Variants in SLC7A11 observed in about 807,000 individuals in gnomAD.
SLC7A11 encodes the protein cystine/glutamate transporter.
A neutral mutation model predicts 54.5 loss-of-function variants in SLC7A11; 35 were observed. The observed-to-expected ratio is 0.64, with a 90% confidence interval of 0.49 to 0.85. SLC7A11 has a LOEUF of 0.85. SLC7A11 is among the 40% of genes least tolerant of loss of function. SLC7A11 has a pLI of 0.00. For missense variants in SLC7A11, 583 were observed against 618.1 expected (o/e 0.94, Z 0.60); for synonymous variants, 230 against 225.2 (o/e 1.02, Z -0.19).
At chr4:138,237,739 T>TATACATA (rs1738270196) in intron 1 of SLC7A11, among the ~76,000 whole-genome samples, 1 of 9,206 alleles carries the variant, frequency 1.1e-4, no homozygotes, top group Non-Finnish European at 1.8e-4. Flanking sequence ...ATATATATAT[T>TATACATA]TTTTTTTTTT....
intron 5 of SLC7A11, among the ~76,000 whole-genome samples, chr4:138,217,497 C>T (rs921967626): frequency 2.6e-5 from 4 of 152,096 alleles, no homozygotes; most frequent in African/African-American, 9.7e-5. Flanking sequence ...CCTACATAAG[C>T]GGAGAAATTT....
chr4:138,203,102 G>A (rs377583696), intron 6 of SLC7A11, among the ~76,000 whole-genome samples: 5 of 152,154 alleles, frequency 3.3e-5, no homozygotes, highest in South Asian at 2.1e-4. Context: ...TTAAAAGTAC[G>A]TGACACCTTC....
At chr4:138,241,659 C>A (rs1738382156) in intron 1 of SLC7A11, 134 bp downstream of exon 1, 1 of 676,668 alleles carries the variant, frequency 1.5e-6, no homozygotes, top group Non-Finnish European at 2.5e-6. Context: ...GTTCACGTAC[C>A]CGAACAAAAA....
At position 138,232,396 on chromosome 4, in the gene SLC7A11, T is replaced by A. The variant is rs977828022; in HGVS notation, c.405-14A>T. 2 of 1,481,074 alleles carry A rather than the reference T, an allele frequency of 1.4e-6. No individual in the cohort carries two copies. Among genetic ancestry groups the A allele is most frequent in the African/African-American group, 2.8e-5 (2 of 71,854 alleles). The allele number at this position is 1,481,074 out of a possible 1,614,324, so 91.7% of individuals were successfully genotyped here. A position where few individuals can be genotyped will look rare whatever the true frequency, so the allele number is the denominator to read the frequency against. On this transcript the variant is annotated splice_polypyrimidine_tract_variant and intron_variant, in intron 2 of 11. Coordinates refer to ENST00000280612, the MANE Select transcript of SLC7A11 (RefSeq NM_014331.4). Reference sequence around the variant, plus strand: ...GTAGCTGCAGGGCTAAAAAAAAATGTATATATTTAGGTTAACCACAGGGGA... The same window carrying A: ...GTAGCTGCAGGGCTAAAAAAAAATGAATATATTTAGGTTAACCACAGGGGA...
chr4:138,183,760 G>A (rs1736808103), intron 7 of SLC7A11, among the ~76,000 whole-genome samples: 1 of 152,010 alleles, frequency 6.6e-6, no homozygotes, highest in African/African-American at 2.4e-5. Flanking sequence ...CCCATTCTTA[G>A]GAGGTAAATA....
In SLC7A11 at chr4:138,232,290, T is replaced by C. The variant is rs145408696; in HGVS notation, c.497A>G (p.Lys166Arg). The part of the protein sequence containing the change: ...IQCEIPELAI[K>R]LITAVGITVV... ...ACTTATGCCCACAGCTGTAATGAGC[T>C]TGATCGCAAGTTCAGGGATTTCACA... The change falls in exon 3 of 12, where the codon AAG becomes AGG. Residue 166 changes from lysine (K) to arginine (R), a missense_variant. Transcript: ENST00000280612. 1.9e-6 allele frequency: 3 copies of C among 1,611,042 alleles called. No individual in the cohort carries two copies. In the African/African-American group the frequency reaches 4.0e-5, roughly 22 times the overall value.
At position 138,194,952 on chromosome 4, in the gene SLC7A11, T is replaced by C. The variant is rs530038242; in HGVS notation, c.792-9708A>G. Among the ~76,000 whole-genome samples the C allele has an allele frequency of 5.6e-4, 86 of 152,306 alleles. 1 individual carries two copies. The South Asian group carries it at 0.016, about 29-fold the overall frequency. The stretch of plus-strand genomic sequence containing the variant: ...GCCCACTTGCTCATGTAACAGAGCA[T>C]CCTAAGGAAGTTTCTGCATTTATTT... On this transcript the variant is annotated intron_variant, in intron 6 of 11. Coordinates refer to ENST00000280612, the MANE Select transcript of SLC7A11 (RefSeq NM_014331.4).
In SLC7A11 at chr4:138,185,241, G is replaced by T; in HGVS notation, c.795C>A (p.Thr265=). 6.2e-7 allele frequency: 1 copy of T among 1,612,400 alleles called. No individual in the cohort carries two copies. The highest frequency in any genetic ancestry group is 8.5e-7 in the Non-Finnish European group (1 of 1,178,838). Residue 265 remains threonine (T), a synonymous_variant, in exon 7 of 12, where the codon ACC becomes ACA. Coordinates refer to ENST00000280612, the MANE Select transcript of SLC7A11 (RefSeq NM_014331.4). ...TGGATATACATATTGCAAGGGGAAT[G>T]GTTCTGAAATGCACAAAGGAATCAC... ...VTEEVENPEK[T]IPLAICISMA...
intron 6 of SLC7A11, among the ~76,000 whole-genome samples, chr4:138,206,770 C>G (rs548690360): frequency 6.6e-6 from 1 of 151,856 alleles, no homozygotes; most frequent in Non-Finnish European, 1.5e-5. Context: ...CAAGGTACAT[C>G]AACCACATGT....
intron 6 of SLC7A11, among the ~76,000 whole-genome samples, chr4:138,185,596 CCA>C (rs1409982659): frequency 2.0e-5 from 3 of 152,124 alleles, no homozygotes; most frequent in Non-Finnish European, 4.4e-5. Flanking sequence ...GAGCTCCACC[CCA>C]CAGTTTCCAA....
intron 6 of SLC7A11, among the ~76,000 whole-genome samples, chr4:138,204,404 TA>T (rs1236613011): frequency 6.6e-6 from 1 of 152,118 alleles, no homozygotes; most frequent in East Asian, 1.9e-4. Context: ...TTTGTATTTT[TA>T]ATAATGGGCT....
At chr4:138,216,405 C>T (rs946743440) in intron 5 of SLC7A11, among the ~76,000 whole-genome samples, 7 of 152,062 alleles carry the variant, frequency 4.6e-5, no homozygotes, top group Non-Finnish European at 7.4e-5. Flanking sequence ...GAAAACCCTA[C>T]CAAGCAATGT....
chr4:138,237,073 C>T (rs1055392469), intron 1 of SLC7A11, among the ~76,000 whole-genome samples: 4 of 146,422 alleles, frequency 2.7e-5, no homozygotes, highest in African/African-American at 1.0e-4. Flanking sequence ...GCAAGCTCTG[C>T]CTCCTGGGTT....
At chr4:138,193,021 T>C (rs1737047943) in intron 6 of SLC7A11, among the ~76,000 whole-genome samples, 1 of 152,194 alleles carries the variant, frequency 6.6e-6, no homozygotes, top group Non-Finnish European at 1.5e-5. Flanking sequence ...AAAATTCCCT[T>C]AGACAGTAAA....
In SLC7A11 at chr4:138,236,479, C is replaced by T. The variant is rs368427991; in HGVS notation, c.278-28G>A. The T allele has an allele frequency of 3.8e-5, 61 of 1,589,004 alleles. No individual in the cohort carries two copies. The South Asian group carries it at 3.9e-4, about 10-fold the overall frequency. On this transcript the variant is annotated intron_variant, in intron 1 of 11. Coordinates refer to ENST00000280612, the MANE Select transcript of SLC7A11 (RefSeq NM_014331.4). ...GTGAAATATTTGTCACAAAATGGTA[C>T]CAATTTAATACATTTTCAAGACACC...
chr4:138,223,307 T>G lies in SLC7A11; in HGVS notation c.538A>C (p.Asn180His). 1 of 1,613,576 alleles carries G rather than the reference T, an allele frequency of 6.2e-7. No individual in the cohort carries two copies. The highest frequency in any genetic ancestry group is 8.5e-7 in the Non-Finnish European group (1 of 1,179,556). Reference sequence around the variant, plus strand: ...GCGCTCCAGCTGACACTCATGCTATTTAGGACCATCACTACAGCTGCAAAC... The same window carrying G: ...GCGCTCCAGCTGACACTCATGCTATGTAGGACCATCACTACAGCTGCAAAC... Reference protein sequence around the residue: ...AVGITVVMVLNSMSVSWSARI... With the variant: ...AVGITVVMVLHSMSVSWSARI... Residue 180 changes from asparagine (N) to histidine (H), a missense_variant, in exon 4 of 12, where the codon AAT becomes CAT. By Grantham distance (68) the Asn-to-His change is moderately conservative. Transcript: ENST00000280612.
At chr4:138,214,363 A>G (rs1467766206) in intron 6 of SLC7A11, among the ~76,000 whole-genome samples, 1 of 151,418 alleles carries the variant, frequency 6.6e-6, no homozygotes, top group Non-Finnish European at 1.5e-5. Context: ...TATTGAATGT[A>G]GACTATATAA....
Position 138,232,357 on chromosome 4 carries a change from G to T in SLC7A11, c.430C>A (p.Leu144Met). Residue 144 changes from leucine (L) to methionine (M), a missense_variant, in exon 3 of 12, where the codon CTG becomes ATG. Coordinates refer to ENST00000280612, the MANE Select transcript of SLC7A11 (RefSeq NM_014331.4). ...TCCAGAATGTAGCGTCCAAATGCCA[G>T]GGATATCACAGCAGTAGCTGCAGGG... ...IRPAATAVIS[L>M]AFGRYILEPF... The T allele has an allele frequency of 6.2e-6, 10 of 1,612,096 alleles. No individual in the cohort carries two copies. The highest frequency in any genetic ancestry group is 8.5e-6 in the Non-Finnish European group (10 of 1,178,294).
chr4:138,226,311 G>C (rs1244669274), intron 3 of SLC7A11, among the ~76,000 whole-genome samples: 4 of 152,080 alleles, frequency 2.6e-5, no homozygotes, highest in Non-Finnish European at 5.9e-5. Flanking sequence ...CTTGATTGTG[G>C]TGATAGTTTC....
Sources: gnomAD v4.1 joint callset for allele counts (sites outside exome capture counted in the v4.1 genomes callset) on GRCh38, gnomAD v4.1.1 for gene constraint, MANE v1.5 for transcripts, NCBI Gene and HGNC (gene_info 2026-07-23, HGNC 2026-07-21) for gene names.